GCM1: variants seen among roughly 807,000 people sequenced by gnomAD.
GCM1 encodes the protein GCM transcription factor 1, also known as chorion-specific transcription factor GCMa.
GCM1 carries 2 observed loss-of-function variants against 25.7 expected under a neutral mutation model. That is an observed-to-expected ratio of 0.08 (90% CI 0.03 to 0.24). The LOEUF (loss-of-function observed/expected upper bound fraction) is 0.24, where lower values mean the gene tolerates loss of function less well. GCM1 is among the 10% of genes least tolerant of loss of function. The probability of loss-of-function intolerance (pLI) is 1.00; values close to 1 mark genes in which losing one functional copy is unlikely to be tolerated. For synonymous variants in GCM1, 183 were observed against 195.7 expected, an observed-to-expected ratio of 0.94 and a Z score of 0.54; for missense variants, 395 against 538.7, an observed-to-expected ratio of 0.73 and a Z score of 2.64.
intron 2 of GCM1, among the ~76,000 whole-genome samples, chr6:53,137,616 C>T (rs1486855709): frequency 3.3e-5 from 5 of 151,956 alleles, no homozygotes; most frequent in Non-Finnish European, 7.4e-5. Context: ...AGTGAGACCA[C>T]GTCTCTACTA....
chr6:53,130,941 G>C lies in GCM1; in HGVS notation c.442-10C>G. The C allele has an allele frequency of 6.2e-7, 1 of 1,610,898 alleles. No individual in the cohort carries two copies. Among genetic ancestry groups the C allele is most frequent in the Non-Finnish European group, 8.5e-7 (1 of 1,177,238 alleles). ...CATGCTCTCCCTTTGACTTAAATGA[G>C]ACAAGGAAGTAGAAAGGAAATGATA... is the stretch of plus-strand genomic sequence containing the variant. On this transcript the variant is annotated splice_polypyrimidine_tract_variant and intron_variant, in intron 4 of 5. Coordinates refer to ENST00000259803, the MANE Select transcript of GCM1 (RefSeq NM_003643.4).
chr6:53,128,862 T>C lies in GCM1; in HGVS notation c.655A>G (p.Ser219Gly), dbSNP rs747852377. The change falls in exon 6 of 6, where the codon AGT becomes GGT. Residue 219 changes from serine to glycine, a missense_variant. By Grantham distance (56) the Ser-to-Gly change is moderately conservative. Transcript: ENST00000259803. ...QEGVQLPGSY[S>G]GHLIANTPQQ... ...GGAGTGTTAGCTATTAAATGTCCAC[T>C]GTAACTACCAGGCAATTGGACGCCT... 7 of 1,612,362 alleles carry C rather than the reference T, an allele frequency of 4.3e-6. No homozygotes were observed. The South Asian group carries it at 4.4e-5, about 10-fold the overall frequency.
intron 2 of GCM1, among the ~76,000 whole-genome samples, chr6:53,141,879 C>G (rs1384221882): frequency 6.6e-6 from 1 of 150,480 alleles, no homozygotes; most frequent in Non-Finnish European, 1.5e-5. Flanking sequence ...GGGTGCACGC[C>G]TGTAGTCCCC....
chr6:53,143,431 TCAC>T (rs2127510700), intron 2 of GCM1, among the ~76,000 whole-genome samples: 1 of 152,296 alleles, frequency 6.6e-6, no homozygotes, highest in East Asian at 1.9e-4. Flanking sequence ...AGACACAGTG[TCAC>T]CACCATTTCA....
chr6:53,133,195 G>A (rs1382662161), intron 3 of GCM1, among the ~76,000 whole-genome samples: 1 of 152,098 alleles, frequency 6.6e-6, no homozygotes, highest in African/African-American at 2.4e-5. Flanking sequence ...TTTTTGGATG[G>A]AGTCTGTCAC....
intron 2 of GCM1, among the ~76,000 whole-genome samples, chr6:53,140,155 A>G (rs968810237): frequency 6.6e-6 from 1 of 152,166 alleles, no homozygotes; most frequent in African/African-American, 2.4e-5. Flanking sequence ...GGGAAGTTCA[A>G]ATGACCCTTG....
intron 2 of GCM1, among the ~76,000 whole-genome samples, chr6:53,140,557 C>T (rs1489728881): frequency 7.4e-6 from 1 of 134,466 alleles, no homozygotes; most frequent in Non-Finnish European, 1.6e-5. Flanking sequence ...AGTACTTAAA[C>T]CTTGTAATTT....
At chr6:53,136,082 A>G (rs1010418346) in intron 2 of GCM1, among the ~76,000 whole-genome samples, 2 of 152,262 alleles carry the variant, frequency 1.3e-5, no homozygotes, top group African/African-American at 4.8e-5. Flanking sequence ...TGGTCTGAGG[A>G]AATATAAATG....
chr6:53,129,080 C>T (rs941380077), intron 5 of GCM1, 134 bp from the exon 6 acceptor site: 28 of 682,314 alleles, frequency 4.1e-5, no homozygotes, highest in East Asian at 1.3e-4. Flanking sequence ...TAATACTTGA[C>T]GCACAAACAC....
rs182403958 is a variant in GCM1 at position 53,127,704 on chromosome 6, A to C, written c.*502T>G. Reference sequence around the variant, plus strand: ...GGGTGGAAATACTAGAGTGGAGGAGAAGAAGCCAAAAAAATTACTCATGTG... The same window carrying C: ...GGGTGGAAATACTAGAGTGGAGGAGCAGAAGCCAAAAAAATTACTCATGTG... On this transcript the variant is annotated 3_prime_UTR_variant, in exon 6 of 6. Coordinates refer to ENST00000259803, the MANE Select transcript of GCM1 (RefSeq NM_003643.4). The C allele has an allele frequency of 2.0e-5, 3 of 152,772 alleles. No homozygotes were observed. The East Asian group carries it at 5.8e-4, about 29-fold the overall frequency. 9.5% of individuals were successfully genotyped at this position (152,772 alleles called of 1,614,324 possible).
intron 3 of GCM1, 96 bp from the exon 4 acceptor site, chr6:53,132,215 C>T (rs372640722): frequency 6.1e-5 from 48 of 786,218 alleles, no homozygotes; most frequent in East Asian, 4.8e-4. Context: ...GACTCAAGGA[C>T]GGCAGAGTAT....
intron 3 of GCM1, among the ~76,000 whole-genome samples, chr6:53,133,530 T>C (rs1763755715): frequency 6.6e-6 from 1 of 150,490 alleles, no homozygotes; most frequent in Non-Finnish European, 1.5e-5. Flanking sequence ...CTCACTCTAT[T>C]GTGCGGCCTG....
rs1763653030 is a variant in GCM1, at chr6:53,127,237, C to T, written c.*969G>A. The T allele has an allele frequency of 6.6e-6, 1 of 152,194 alleles. No homozygotes were observed. Among genetic ancestry groups the T allele is most frequent in the African/African-American group, 2.4e-5 (1 of 41,442 alleles). The allele number at this position is 152,194 out of a possible 1,614,324, so 9.4% of individuals were successfully genotyped here. On this transcript the variant is annotated 3_prime_UTR_variant, in exon 6 of 6. Coordinates refer to ENST00000259803, the MANE Select transcript of GCM1 (RefSeq NM_003643.4). ...GAGGAAGAGGGAAGGAAACAAGAGGCAAGGAGACCACGCACATCACTAGTG... is the reference window on the plus strand; with the variant it reads ...GAGGAAGAGGGAAGGAAACAAGAGGTAAGGAGACCACGCACATCACTAGTG...
chr6:53,129,867 G>C (rs1469818174), intron 5 of GCM1, among the ~76,000 whole-genome samples: 1 of 152,146 alleles, frequency 6.6e-6, no homozygotes, highest in Non-Finnish European at 1.5e-5. Flanking sequence ...TCTAAATGGA[G>C]GAGGTATATT....
rs1763735914 is a variant in GCM1, at chr6:53,132,123, CA to C, written c.329-5del. ...TCACAGTTGGGACAGCGTTTCCCTA[CA>C]AAAGAGCAGAGGAAAATGACCACAC... On this transcript the variant is annotated splice_polypyrimidine_tract_variant and splice_region_variant and intron_variant, in intron 3 of 5. Transcript: ENST00000259803. 6.3e-7 allele frequency: 1 copy of C among 1,586,506 alleles called. No homozygotes were observed. The highest frequency in any genetic ancestry group is 8.7e-7 in the Non-Finnish European group (1 of 1,155,002).
intron 2 of GCM1, among the ~76,000 whole-genome samples, chr6:53,142,929 G>A (rs11759714): frequency 0.2 from 28,255 of 140,094 alleles, 3,428 homozygotes; most frequent in African/African-American, 0.34. Context: ...ATTCAAATCT[G>A]GGGCATTTTT....
At chr6:53,141,929 G>A (rs934597010) in intron 2 of GCM1, among the ~76,000 whole-genome samples, 26 of 132,686 alleles carry the variant, frequency 2.0e-4, no homozygotes, top group Non-Finnish European at 2.6e-4. Flanking sequence ...ACCTAAGCCC[G>A]GGAATTCAAG....
intron 2 of GCM1, among the ~76,000 whole-genome samples, chr6:53,139,450 C>A (rs115203166): frequency 2.8e-5 from 4 of 141,250 alleles, no homozygotes; most frequent in Admixed American, 2.3e-4. Context: ...TGCTTGAGCT[C>A]GGGAGTTCAA....
chr6:53,133,515 AG>A (rs776044117), intron 3 of GCM1, among the ~76,000 whole-genome samples: 1 of 150,312 alleles, frequency 6.7e-6, no homozygotes, highest in Non-Finnish European at 1.5e-5. Flanking sequence ...TTTTGGAGAT[AG>A]GATCTCACTC....
Sources: allele counts gnomAD v4.1 joint callset (sites outside exome capture counted in the v4.1 genomes callset), GRCh38; gene constraint gnomAD v4.1.1; transcripts MANE v1.5; gene names NCBI Gene and HGNC (gene_info 2026-07-23, HGNC 2026-07-21).